NLRX1: variants seen among roughly 807,000 people sequenced by gnomAD.
NLRX1 encodes NOD-like receptor X1.
A neutral mutation model predicts 74.2 loss-of-function variants in NLRX1; 67 were observed. The observed-to-expected ratio is 0.90, with a 90% CI of 0.74 to 1.11. The LOEUF is 1.11. NLRX1 is among the 50% of genes least tolerant of loss of function. The pLI, the probability that NLRX1 is intolerant of heterozygous loss-of-function variation, is 0.00. For missense variants in NLRX1, 1,191 were observed against 1,305.4 expected (o/e 0.91, Z 1.35); for synonymous variants, 506 against 559.1 (o/e 0.91, Z 1.34).
At position 119,172,930 on chromosome 11, in the gene NLRX1, T is replaced by TAG; in HGVS notation, c.172_173dup (p.Asp58GlufsTer50). 6.2e-7 allele frequency: 1 copy of TAG among 1,613,878 alleles called. No individual in the cohort carries two copies. Among genetic ancestry groups the TAG allele is most frequent in the Non-Finnish European group, 8.5e-7 (1 of 1,179,924 alleles). On this transcript the variant is annotated frameshift_variant, in exon 4 of 10. Transcript: ENST00000409109. LOFTEE classifies it high-confidence loss of function. Reference sequence around the variant, plus strand: ...TTTATACGCCACCACGGAAGCTCGGTAGATAGCGCTCCCCCACCCGGGAGG... The same window carrying TAG: ...TTTATACGCCACCACGGAAGCTCGGTAGAGATAGCGCTCCCCCACCCGGGAGG...
chr11:119,170,000 GAAAAAAAAAAAAA>G (rs59630475), intron 1 of NLRX1, among the ~76,000 whole-genome samples: 9 of 40,334 alleles, frequency 2.2e-4, no homozygotes, highest in East Asian at 8.1e-4. Context: ...CCTGTCTCAG[GAAAAAAAAAAAAA>G]AAAAAAAAAA....
chr11:119,173,707 A>G lies in NLRX1; in HGVS notation c.458A>G (p.Asp153Gly), dbSNP rs1238464304. The G allele has an allele frequency of 2.5e-6, 4 of 1,613,978 alleles. No individual in the cohort carries two copies. Among genetic ancestry groups the G allele is most frequent in the Middle Eastern group, 3.3e-4 (2 of 6,062 alleles). Residue 153 changes from aspartate (D) to glycine (G), a missense_variant, in exon 5 of 10, where the codon GAT (aspartate) becomes GGT (glycine). Transcript: ENST00000409109. The surrounding 1 kb of genome is among the most constrained non-coding windows in gnomAD (Gnocchi z 4.0). ...PLALSQLFNP[D>G]ACGRRVQTVV... ...GCCTTGTCTCAGCTCTTTAACCCGG[A>G]TGCCTGTGGGCGCCGGGTGCAGACA...
Position 119,174,882 on chromosome 11 carries a change from C to G in NLRX1, c.1279C>G (p.Arg427Gly). ...TTTGTCCCTGATGGCCTATGCAGCC[C>G]GAACCATGGGCAAGTTGGCCTATGA... ...SNLSLMAYAA[R>G]TMGKLAYEGV... is the part of the protein sequence containing the mutation. Residue 427 changes from arginine to glycine, a missense_variant, in exon 6 of 10, where the codon CGA becomes GGA. Coordinates refer to ENST00000409109, the MANE Select transcript of NLRX1 (RefSeq NM_001282144.2). 1 of 1,614,076 alleles carries G rather than the reference C, an allele frequency of 6.2e-7. No homozygotes were observed.
Position 119,175,367 on chromosome 11 carries a change from C to T in NLRX1, c.1671+93C>T, listed in dbSNP as rs1376675957. On this transcript the variant is annotated intron_variant, in intron 6 of 9. Transcript: ENST00000409109. ...CCCCCACATGGTTCCCTGTTCACCC[C>T]TTGCTCCTCTCCCAGCAGGAAACTG... The T allele has an allele frequency of 4.8e-6, 5 of 1,051,702 alleles. No individual in the cohort carries two copies. The East Asian group carries it at 9.6e-5, about 20-fold the overall frequency. The allele number at this position is 1,051,702 out of a possible 1,614,324, so 65.1% of individuals were successfully genotyped here. A position where few individuals can be genotyped will look rare whatever the true frequency, so the allele number is the denominator to read the frequency against.
chr11:119,177,262 A>G (rs1029927108), intron 6 of NLRX1, among the ~76,000 whole-genome samples: 19 of 149,414 alleles, frequency 1.3e-4, no homozygotes, highest in African/African-American at 3.9e-4. Context: ...TTGTATTTTT[A>G]GTAGAGACAG....
chr11:119,181,066 T>C, intron 7 of NLRX1, 105 bp from the exon 8 acceptor site: 3 of 809,296 alleles, frequency 3.7e-6, no homozygotes, highest in Non-Finnish European at 6.5e-6. Flanking sequence ...CAGGTATAGA[T>C]TCCCAGAGGC....
intron 8 of NLRX1, 68 bp from the exon 9 acceptor site, chr11:119,182,026 C>A: frequency 1.9e-6 from 3 of 1,574,050 alleles, no homozygotes; most frequent in Non-Finnish European, 1.7e-6. Context: ...GCTGCCAGTA[C>A]CACCCCCAAC....
Position 119,180,105 on chromosome 11 carries a change from T to G in NLRX1, c.2084T>G (p.Leu695Arg), listed in dbSNP as rs1487166469. The G allele has an allele frequency of 6.2e-7, 1 of 1,613,596 alleles. No homozygotes were observed. The highest frequency in any genetic ancestry group is 1.7e-5 in the Admixed American group (1 of 60,034). The part of the protein sequence containing the change: ...FQNQRFSAEV[L>R]SSLRQLNLAG... ...AACCAGCGCTTCTCCGCTGAGGTGC[T>G]CAGCTCCCTGCGTCAGCTCAACCTG... Residue 695 changes from leucine to arginine, a missense_variant, in exon 7 of 10, where the codon CTC becomes CGC. By Grantham distance (102) the Leu-to-Arg change is moderately radical. Transcript: ENST00000409109.
At chr11:119,182,919 CAA>C (rs371710220) in intron 9 of NLRX1, among the ~76,000 whole-genome samples, 197 bp from the exon 10 acceptor site, 4 of 141,154 alleles carry the variant, frequency 2.8e-5, no homozygotes, top group African/African-American at 7.7e-5. Flanking sequence ...AAAACAAAAA[CAA>C]AAAAAAAAAA....
chr11:119,180,140 C>T lies in NLRX1; in HGVS notation c.2119C>T (p.Arg707Cys), dbSNP rs149770693. The change falls in exon 7 of 10, where the codon CGC becomes TGC. Residue 707 changes from arginine (R) to cysteine (C), a missense_variant. By Grantham distance (180) the Arg-to-Cys change is radical. Coordinates refer to ENST00000409109, the MANE Select transcript of NLRX1 (RefSeq NM_001282144.2). ...GCGTCAGCTCAACCTGGCAGGTGTG[C>T]GCATGACACCAGTCAAGTGCACAGT... ...SLRQLNLAGVRMTPVKCTVVA... is the reference protein window; with the variant it reads ...SLRQLNLAGVCMTPVKCTVVA... The T allele has an allele frequency of 6.3e-4, 1,011 of 1,613,220 alleles. 10 individuals are homozygous for T. In the East Asian group the frequency reaches 0.012, roughly 19 times the overall value.
In NLRX1 at chr11:119,174,792, A is replaced by C; in HGVS notation, c.1189A>C (p.Ile397Leu). ...PTPAGQTLTS[I>L]YTSFLRLNFS... ...GCCTGCTGGGCAGACCCTTACAAGCATCTATACCAGCTTCCTGCGCCTCAA... is the reference window on the plus strand; with the variant it reads ...GCCTGCTGGGCAGACCCTTACAAGCCTCTATACCAGCTTCCTGCGCCTCAA... The change falls in exon 6 of 10, where the codon ATC (isoleucine) becomes CTC (leucine). Residue 397 changes from isoleucine (I) to leucine (L), a missense_variant. By Grantham distance (5) the Ile-to-Leu change is conservative (BLOSUM62 2). Coordinates refer to ENST00000409109, the MANE Select transcript of NLRX1 (RefSeq NM_001282144.2). The C allele has an allele frequency of 6.2e-7, 1 of 1,613,884 alleles. No homozygotes were observed. The highest frequency in any genetic ancestry group is 8.5e-7 in the Non-Finnish European group (1 of 1,180,024).
chr11:119,176,722 A>G (rs1270403650), intron 6 of NLRX1, among the ~76,000 whole-genome samples: 2 of 152,100 alleles, frequency 1.3e-5, no homozygotes, highest in African/African-American at 2.4e-5. Context: ...AAATTAAATT[A>G]AAAAATAAAA....
chr11:119,177,105 G>A (rs1948719236), intron 6 of NLRX1, among the ~76,000 whole-genome samples: 1 of 151,996 alleles, frequency 6.6e-6, no homozygotes, highest in South Asian at 2.1e-4. Flanking sequence ...TTTTTGAGAT[G>A]GAGTCTCGCT....
rs1206250075 is a variant in NLRX1 at position 119,172,402 on chromosome 11, G to A, written c.117G>A (p.Gly39=). The A allele has an allele frequency of 9.3e-6, 15 of 1,613,698 alleles. No homozygotes were observed. Among genetic ancestry groups the A allele is most frequent in the Non-Finnish European group, 1.3e-5 (15 of 1,179,698 alleles). ...TCCACTGGAGTTGGCCCCTTCAAGG[G>A]GAGCGTCCCTTTGGGCCCCCTAGGT... The part of the protein sequence containing the change: ...FLIHWSWPLQ[G]ERPFGPPRAF... The change falls in exon 3 of 10, where the codon GGG becomes GGA. Residue 39 remains glycine, a synonymous_variant. Coordinates refer to ENST00000409109, the MANE Select transcript of NLRX1 (RefSeq NM_001282144.2).
At position 119,181,270 on chromosome 11, in the gene NLRX1, G is replaced by A; in HGVS notation, c.2354+13G>A. 1 of 1,607,808 alleles carries A rather than the reference G, an allele frequency of 6.2e-7. No individual in the cohort carries two copies. Among genetic ancestry groups the A allele is most frequent in the Non-Finnish European group, 8.5e-7 (1 of 1,174,562 alleles). ...TTACCACACTGCGGTGAGTGACCTG[G>A]GAGTGGGGCATCCTGGTGGCCAGCT... On this transcript the variant is annotated intron_variant, in intron 8 of 9. Coordinates refer to ENST00000409109, the MANE Select transcript of NLRX1 (RefSeq NM_001282144.2).
At chr11:119,174,214 A>G (rs1948633916) in intron 5 of NLRX1, 116 bp downstream of exon 5, 1 of 1,324,650 alleles carries the variant, frequency 7.5e-7, no homozygotes, top group Admixed American at 2.5e-5. Context: ...TGAGCAAGTC[A>G]GTAACTTCCC....
intron 1 of NLRX1, among the ~76,000 whole-genome samples, chr11:119,169,889 A>G (rs949441773): frequency 6.6e-6 from 1 of 151,432 alleles, no homozygotes; most frequent in Non-Finnish European, 1.5e-5. Flanking sequence ...CTAGCTACTC[A>G]GGAGGCTGAA....
Position 119,181,409 on chromosome 11 carries a change from C to T in NLRX1, c.2354+152C>T. The stretch of plus-strand genomic sequence containing the variant: ...CTGTCCCCTCCACTTCCCCCAGGTC[C>T]ACTGCAAGCAGCAGGGCAGCAGGGA... On this transcript the variant is annotated intron_variant, in intron 8 of 9. Coordinates refer to ENST00000409109, the MANE Select transcript of NLRX1 (RefSeq NM_001282144.2). The T allele has an allele frequency of 4.7e-6, 3 of 632,450 alleles. No homozygotes were observed. The South Asian group carries it at 5.2e-5, about 11-fold the overall frequency. The allele number at this position is 632,450 out of a possible 1,614,324, so 39.2% of individuals were successfully genotyped here.
chr11:119,173,058 G>T lies in NLRX1; in HGVS notation c.229+69G>T, dbSNP rs964306267. On this transcript the variant is annotated intron_variant, in intron 4 of 9. Transcript: ENST00000409109. The surrounding 1 kb of genome is among the most constrained non-coding windows in gnomAD (Gnocchi z 4.0). ...AGACGGGGCTGGAAGGAGAAGCAGG[G>T]TGAGGGAGGCATAGAGGATCCACTG... 4.0e-6 allele frequency: 5 copies of T among 1,239,056 alleles called. No individual in the cohort carries two copies. Among genetic ancestry groups the T allele is most frequent in the Non-Finnish European group, 5.9e-6 (5 of 843,790 alleles). 76.8% of individuals were successfully genotyped at this position (1,239,056 alleles called of 1,614,324 possible). A position where few individuals can be genotyped will look rare whatever the true frequency, so the allele number is the denominator to read the frequency against.
Sources: gnomAD v4.1 joint callset for allele counts (sites outside exome capture counted in the v4.1 genomes callset) on GRCh38, gnomAD v4.1.1 for gene constraint, Gnocchi (gnomAD v3.1) non-coding constraint, MANE v1.5 for transcripts, NCBI Gene and HGNC (gene_info 2026-07-23, HGNC 2026-07-21) for gene names.